Variants in PTPRG observed in about 807,000 individuals in gnomAD.
PTPRG encodes receptor-type tyrosine-protein phosphatase gamma.
A neutral mutation model predicts 165.3 loss-of-function variants in PTPRG; 102 were observed. That is an observed-to-expected ratio of 0.62 (90% CI 0.53 to 0.73). The LOEUF is 0.73. Ranked by LOEUF, PTPRG falls within the 30% of genes least tolerant of loss-of-function variation. PTPRG has a pLI of 0.00. For missense variants in PTPRG, 1,866 were observed against 1,861.4 expected (o/e 1.00, Z -0.05); for synonymous variants, 675 against 669.5 (o/e 1.01, Z -0.13).
At chr3:61,802,054 A>G (rs1028850278) in intron 2 of PTPRG, among the ~76,000 whole-genome samples, 3 of 150,920 alleles carry the variant, frequency 2.0e-5, no homozygotes, top group Non-Finnish European at 2.9e-5. Context: ...TCAGTGTTTC[A>G]GGTCATGTCA....
intron 2 of PTPRG, among the ~76,000 whole-genome samples, chr3:61,962,910 ATT>A (rs1218819334): frequency 6.6e-6 from 1 of 152,124 alleles, no homozygotes; most frequent in Non-Finnish European, 1.5e-5. Context: ...TTGTAATTTA[ATT>A]TTTAAAAATA....
chr3:61,803,116 C>T (rs2035298386), intron 2 of PTPRG, among the ~76,000 whole-genome samples: 1 of 152,134 alleles, frequency 6.6e-6, no homozygotes, highest in Admixed American at 6.5e-5. Context: ...TAAAATATTT[C>T]CTGTCAGGCA....
At chr3:61,930,201 G>A (rs1045509253) in intron 2 of PTPRG, among the ~76,000 whole-genome samples, 2 of 152,164 alleles carry the variant, frequency 1.3e-5, no homozygotes, top group Admixed American at 6.5e-5. Flanking sequence ...GATGGTGACA[G>A]CCATCTTGCC....
chr3:61,975,865 C>T (rs375479725), intron 2 of PTPRG, among the ~76,000 whole-genome samples: 20 of 152,020 alleles, frequency 1.3e-4, no homozygotes, highest in Non-Finnish European at 2.4e-4. Flanking sequence ...ACAAGAAAGC[C>T]GGCCATTTTT....
At chr3:62,092,322 C>G (rs544956189) in intron 5 of PTPRG, among the ~76,000 whole-genome samples, 5 of 151,316 alleles carry the variant, frequency 3.3e-5, no homozygotes, top group African/African-American at 7.3e-5. Flanking sequence ...CGCCTGTAAT[C>G]CCTGCTGCTC....
intron 4 of PTPRG, among the ~76,000 whole-genome samples, chr3:62,022,219 G>T (rs758096097): frequency 6.6e-6 from 1 of 152,048 alleles, no homozygotes; most frequent in African/African-American, 2.4e-5. Flanking sequence ...TGTTATAGGT[G>T]ACCTATTTAC....
intron 1 of PTPRG, among the ~76,000 whole-genome samples, chr3:61,676,165 TAC>T (rs1252398732): frequency 6.6e-6 from 1 of 152,132 alleles, no homozygotes; most frequent in Non-Finnish European, 1.5e-5. Flanking sequence ...TTTAGAAAGT[TAC>T]TAAAGTCTAG....
chr3:61,840,145 G>C (rs749997583), intron 2 of PTPRG, among the ~76,000 whole-genome samples: 3 of 152,108 alleles, frequency 2.0e-5, no homozygotes, highest in Non-Finnish European at 2.9e-5. Context: ...TAGTATTAGG[G>C]TCTAGGCACT....
At chr3:62,014,537 T>C (rs1320731515) in intron 4 of PTPRG, among the ~76,000 whole-genome samples, 1 of 152,202 alleles carries the variant, frequency 6.6e-6, no homozygotes, top group African/African-American at 2.4e-5. Context: ...AACTCCTGAA[T>C]CTCCCTATTA....
intron 2 of PTPRG, among the ~76,000 whole-genome samples, chr3:61,862,548 C>T (rs1261052767): frequency 6.6e-6 from 1 of 151,956 alleles, no homozygotes; most frequent in Non-Finnish European, 1.5e-5. Context: ...CCACCACGCC[C>T]AGCACGCCCA....
chr3:61,967,307 G>C (rs982985113), intron 2 of PTPRG, among the ~76,000 whole-genome samples: 3 of 152,042 alleles, frequency 2.0e-5, no homozygotes, highest in Admixed American at 6.6e-5. Flanking sequence ...AACTATAAAG[G>C]CTTTTTTAAC....
chr3:62,085,932 T>A (rs1403159600), intron 5 of PTPRG, among the ~76,000 whole-genome samples: 2 of 152,188 alleles, frequency 1.3e-5, no homozygotes, highest in Admixed American at 6.5e-5. Context: ...AATTCTTTCT[T>A]CAAAAGTAGC....
At chr3:61,666,537 A>T (rs919551936) in intron 1 of PTPRG, among the ~76,000 whole-genome samples, 1 of 152,222 alleles carries the variant, frequency 6.6e-6, no homozygotes, top group African/African-American at 2.4e-5. Context: ...GGAAGAAAGG[A>T]AAACCAGCCT....
chr3:61,937,467 G>A (rs2039508304), intron 2 of PTPRG, among the ~76,000 whole-genome samples: 1 of 152,168 alleles, frequency 6.6e-6, no homozygotes, highest in Non-Finnish European at 1.5e-5. Context: ...GATATTATCA[G>A]ATCCCAAGTC....
intron 2 of PTPRG, among the ~76,000 whole-genome samples, chr3:61,860,952 C>T (rs2037251876): frequency 6.6e-6 from 1 of 152,074 alleles, no homozygotes; most frequent in Non-Finnish European, 1.5e-5. Flanking sequence ...CACAGCCACC[C>T]CCCTTCCCTG....
intron 18 of PTPRG, 79 bp downstream of exon 18, chr3:62,267,571 T>G (rs1182660148): frequency 2.6e-6 from 4 of 1,517,992 alleles, no homozygotes; most frequent in Non-Finnish European, 3.6e-6. Flanking sequence ...ATTTTAATAC[T>G]GTACAGAGCT....
chr3:61,641,461 A>G (rs1373116438), intron 1 of PTPRG, among the ~76,000 whole-genome samples: 1 of 152,234 alleles, frequency 6.6e-6, no homozygotes, highest in Non-Finnish European at 1.5e-5. Flanking sequence ...GGGGAGAGAA[A>G]GTTTTCACAT....
chr3:61,959,936 G>T (rs928224082), intron 2 of PTPRG, among the ~76,000 whole-genome samples: 6 of 152,058 alleles, frequency 3.9e-5, no homozygotes, highest in African/African-American at 1.4e-4. Flanking sequence ...GTTCTGTGCT[G>T]TTCTCATCGT....
chr3:61,650,733 A>G (rs532088923), intron 1 of PTPRG, among the ~76,000 whole-genome samples: 3 of 152,134 alleles, frequency 2.0e-5, no homozygotes, highest in African/African-American at 7.2e-5. Flanking sequence ...TATTAATGTG[A>G]TGGTTTTCAT....
Sources: gnomAD v4.1 joint callset for allele counts (sites outside exome capture counted in the v4.1 genomes callset) on GRCh38, gnomAD v4.1.1 for gene constraint, MANE v1.5 for transcripts, NCBI Gene and HGNC (gene_info 2026-07-23, HGNC 2026-07-21) for gene names.